Variants in MRC2 observed in about 807,000 individuals in gnomAD.
The protein encoded by MRC2 is C-type mannose receptor 2.
A neutral mutation model predicts 206.2 loss-of-function variants in MRC2; 84 were observed. The ratio of observed to expected loss-of-function variants is 0.41; its 90% CI spans 0.34 to 0.49. MRC2 has a LOEUF of 0.49. Ranked by LOEUF, MRC2 falls within the 20% of genes least tolerant of loss-of-function variation. The pLI, the probability that MRC2 is intolerant of heterozygous loss-of-function variation, is 0.31. For missense variants in MRC2, 1,676 were observed against 2,001.5 expected (o/e 0.84, Z 3.10); for synonymous variants, 798 against 800.0 (o/e 1.00, Z 0.04).
At position 62,666,337 on chromosome 17, in the gene MRC2, G is replaced by A; in HGVS notation, c.694+70G>A. 1 of 1,561,354 alleles carries A rather than the reference G, an allele frequency of 6.4e-7. No individual in the cohort carries two copies. Among genetic ancestry groups the A allele is most frequent in the Non-Finnish European group, 8.6e-7 (1 of 1,157,504 alleles). ...GGGAGGCTGGTGCTGAGGGGCCCCG[G>A]GGCCCAGGGTGAGATACTGCCCCCT... is the stretch of plus-strand genomic sequence containing the variant. On this transcript the variant is annotated intron_variant, in intron 3 of 29. Transcript: ENST00000303375. This position sits in a 1 kb window ranked among gnomAD's most constrained non-coding sequence, Gnocchi z 5.0.
chr17:62,663,466 GC>G (rs1465300612), intron 1 of MRC2, among the ~76,000 whole-genome samples: 1 of 152,092 alleles, frequency 6.6e-6, no homozygotes, highest in Non-Finnish European at 1.5e-5. Flanking sequence ...GAAGCACCGT[GC>G]CCTTTAGCAG....
At position 62,692,415 on chromosome 17, in the gene MRC2, G is replaced by C; in HGVS notation, c.4404G>C (p.Leu1468=). ...CCGAGGCCACTGAGAAGAACATCCT[G>C]GTGTCAGACATGGAAATGAATGAGC... ...SPTEATEKNI[L]VSDMEMNEQQ... is the part of the protein sequence containing the mutation. The change falls in exon 30 of 30, where the codon CTG becomes CTC. Residue 1468 remains leucine, a synonymous_variant. Coordinates refer to ENST00000303375, the MANE Select transcript of MRC2 (RefSeq NM_006039.5). This position sits in a 1 kb window ranked among gnomAD's most constrained non-coding sequence, Gnocchi z 4.2. 6.4e-7 allele frequency: 1 copy of C among 1,571,458 alleles called. No homozygotes were observed. The highest frequency in any genetic ancestry group is 1.2e-5 in the South Asian group (1 of 85,804).
chr17:62,643,335 A>AAAAAAAG (rs1460629794), intron 1 of MRC2, among the ~76,000 whole-genome samples: 2 of 131,142 alleles, frequency 1.5e-5, no homozygotes, highest in African/African-American at 5.2e-5. Flanking sequence ...GTCAAAAAAA[A>AAAAAAAG]AAAAAAAAAA....
chr17:62,692,438 A>G lies in MRC2; in HGVS notation c.4427A>G (p.Glu1476Gly). ...NILVSDMEMN[E>G]QQE is the part of the protein sequence containing the mutation. ...CTGGTGTCAGACATGGAAATGAATGAGCAACAAGAATAGAGCCAGGCGCGT... is the reference window on the plus strand; with the variant it reads ...CTGGTGTCAGACATGGAAATGAATGGGCAACAAGAATAGAGCCAGGCGCGT... Residue 1476 changes from glutamate (E) to glycine (G), a missense_variant, in exon 30 of 30, where the codon GAG becomes GGG. By Grantham distance (98) the Glu-to-Gly change is moderately conservative. Transcript: ENST00000303375. The surrounding 1 kb of genome is among the most constrained non-coding windows in gnomAD (Gnocchi z 4.2). 6.4e-7 allele frequency: 1 copy of G among 1,563,466 alleles called. No homozygotes were observed.
chr17:62,681,525 G>C (rs990178436), intron 18 of MRC2: 2 of 455,010 alleles, frequency 4.4e-6, no homozygotes, highest in East Asian at 8.9e-5. Flanking sequence ...CTTGAGGCAG[G>C]AAGGACCAGG....
At chr17:62,645,097 G>A (rs138941086) in intron 1 of MRC2, among the ~76,000 whole-genome samples, 160 of 152,306 alleles carry the variant, frequency 1.1e-3, no homozygotes, top group African/African-American at 3.1e-3. Flanking sequence ...GTGCCAGTAA[G>A]TTAGGGAATT....
In MRC2 at chr17:62,661,984, A is replaced by T. The variant is rs573829926; in HGVS notation, c.119-2564A>T. On this transcript the variant is annotated intron_variant, in intron 1 of 29. Coordinates refer to ENST00000303375, the MANE Select transcript of MRC2 (RefSeq NM_006039.5). ...TATTCTAGGCCAGGTGCGGTGGCTC[A>T]TGCCTGTAATCCTAGCACTTTGGGA... 5.3e-5 allele frequency among the ~76,000 whole-genome samples: 8 copies of T among 152,274 alleles called. No individual in the cohort carries two copies. The South Asian group carries it at 1.5e-3, about 28-fold the overall frequency.
chr17:62,637,535 CAAAAAAAA>C (rs61648461), intron 1 of MRC2, among the ~76,000 whole-genome samples: 1 of 136,636 alleles, frequency 7.3e-6, no homozygotes, highest in Non-Finnish European at 1.6e-5. Flanking sequence ...GACTGTGTCT[CAAAAAAAA>C]AAAAAAAGAA....
chr17:62,671,643 C>T lies in MRC2; in HGVS notation c.1118-6C>T, dbSNP rs781170836. ...CCCTGAGCAGCAGCCTCATGGGTCT[C>T]TGCAGACAGGTGGGCCAATGTGAAG... On this transcript the variant is annotated splice_region_variant and splice_polypyrimidine_tract_variant and intron_variant, in intron 6 of 29. Transcript: ENST00000303375. This position sits in a 1 kb window ranked among gnomAD's most constrained non-coding sequence, Gnocchi z 4.5. 1.3e-6 allele frequency: 2 copies of T among 1,571,006 alleles called. No homozygotes were observed. The highest frequency in any genetic ancestry group is 1.7e-6 in the Non-Finnish European group (2 of 1,156,450).
At chr17:62,685,370 C>T (rs1170622618) in intron 20 of MRC2, among the ~76,000 whole-genome samples, 1 of 152,152 alleles carries the variant, frequency 6.6e-6, no homozygotes, top group East Asian at 1.9e-4. Context: ...ACTCTTCTTT[C>T]TCTGTATCAT....
rs746042964 is a variant in MRC2, at chr17:62,664,959, C to G, written c.520+10C>G. On this transcript the variant is annotated intron_variant, in intron 2 of 29. Transcript: ENST00000303375. This position sits in a 1 kb window ranked among gnomAD's most constrained non-coding sequence, Gnocchi z 4.7. ...GCTCTGCCCTACCACGGTGAGGGGC[C>G]GCTTGCAGGCGGGAGGGTGGGGTCC... is the stretch of plus-strand genomic sequence containing the variant. The G allele has an allele frequency of 6.3e-7, 1 of 1,586,834 alleles. No individual in the cohort carries two copies. The highest frequency in any genetic ancestry group is 1.1e-5 in the South Asian group (1 of 88,380).
chr17:62,688,520 G>T lies in MRC2; in HGVS notation c.3081G>T (p.Leu1027=). The T allele has an allele frequency of 6.2e-7, 1 of 1,614,232 alleles. No individual in the cohort carries two copies. The highest frequency in any genetic ancestry group is 1.1e-5 in the South Asian group (1 of 91,082). Reference sequence around the variant, plus strand: ...CCATAGCATTCATCACAGCCAGCCTGCCCAATGTGACCTTTGACCTTTGGA... The same window carrying T: ...CCATAGCATTCATCACAGCCAGCCTTCCCAATGTGACCTTTGACCTTTGGA... ...PLEQAFITAS[L]PNVTFDLWIG... Residue 1027 remains leucine, a synonymous_variant, in exon 22 of 30, where the codon CTG becomes CTT. Transcript: ENST00000303375.
chr17:62,637,745 G>A (rs944701632), intron 1 of MRC2, among the ~76,000 whole-genome samples: 3 of 152,106 alleles, frequency 2.0e-5, no homozygotes, highest in Non-Finnish European at 4.4e-5. Context: ...ATTACCCTCA[G>A]CTGGAAGAAG....
intron 1 of MRC2, among the ~76,000 whole-genome samples, chr17:62,643,173 C>CA (rs1274115273): frequency 1.3e-5 from 2 of 151,786 alleles, no homozygotes; most frequent in Admixed American, 6.6e-5. Context: ...ACTAAAAATA[C>CA]AAAAATTAGC....
At chr17:62,677,637 G>A in intron 12 of MRC2, 151 bp downstream of exon 12, 1 of 657,038 alleles carries the variant, frequency 1.5e-6, no homozygotes, top group Non-Finnish European at 2.6e-6. Flanking sequence ...ATGGAATCTG[G>A]AGGCCTGGTG....
chr17:62,661,692 C>A (rs1303838989), intron 1 of MRC2: 1 of 152,072 alleles, frequency 6.6e-6, no homozygotes, highest in East Asian at 1.9e-4. Flanking sequence ...CTATGAACAA[C>A]CAATTGAGAT....
At chr17:62,635,824 G>A (rs769557621) in intron 1 of MRC2, among the ~76,000 whole-genome samples, 3 of 150,730 alleles carry the variant, frequency 2.0e-5, no homozygotes, top group Non-Finnish European at 4.4e-5. Flanking sequence ...GTCTCGCTCT[G>A]TTGCCCAGGC....
intron 2 of MRC2, among the ~76,000 whole-genome samples, chr17:62,665,459 G>A (rs2088740371): frequency 6.7e-6 from 1 of 150,292 alleles, no homozygotes; most frequent in Non-Finnish European, 1.5e-5. Flanking sequence ...TAACTTCAAA[G>A]CATTTAATTT....
intron 1 of MRC2, among the ~76,000 whole-genome samples, chr17:62,641,205 A>T (rs925091392): frequency 2.0e-5 from 3 of 150,484 alleles, no homozygotes; most frequent in Non-Finnish European, 4.4e-5. Flanking sequence ...CATGCCCGTA[A>T]TCCCAGCACT....
Sources: allele counts gnomAD v4.1 joint callset (sites outside exome capture counted in the v4.1 genomes callset), GRCh38; gene constraint gnomAD v4.1.1; non-coding constraint Gnocchi (gnomAD v3.1); transcripts MANE v1.5; gene names NCBI Gene and HGNC (gene_info 2026-07-23, HGNC 2026-07-21).